The following ADAMTSL1 variants were observed in gnomAD, a reference collection of about 807,000 sequenced individuals.
ADAMTSL1 encodes the protein ADAMTS like 1.
In ADAMTSL1, 126 loss-of-function variants were observed where a neutral mutation model predicts 201.8. The ratio of observed to expected loss-of-function variants is 0.62; its 90% confidence interval spans 0.54 to 0.72. The LOEUF is 0.72. Ranked by LOEUF, ADAMTSL1 falls within the 30% of genes least tolerant of loss-of-function variation. The probability of loss-of-function intolerance (pLI) is 0.00; values close to 1 mark genes in which losing one functional copy is unlikely to be tolerated. For synonymous variants in ADAMTSL1, 1,121 were observed against 903.4 expected, an observed-to-expected ratio of 1.24 and a Z score of -4.32; for missense variants, 2,679 against 2,277.8, an observed-to-expected ratio of 1.18 and a Z score of -3.59.
At chr9:18,441,812 G>A (rs1820005450) in intron 2 of ADAMTSL1, among the ~76,000 whole-genome samples, 1 of 152,188 alleles carries the variant, frequency 6.6e-6, no homozygotes. Context: ...CCAAATGGTT[G>A]AGAGAATACA....
chr9:18,845,128 C>T (rs894408557), intron 23 of ADAMTSL1, among the ~76,000 whole-genome samples: 1 of 152,222 alleles, frequency 6.6e-6, no homozygotes, highest in African/African-American at 2.4e-5. Context: ...CCGTCTTCTG[C>T]ATTGCTCACC....
At chr9:18,012,425 T>C (rs1329258756) in intron 1 of ADAMTSL1, among the ~76,000 whole-genome samples, 1 of 152,068 alleles carries the variant, frequency 6.6e-6, no homozygotes, top group Non-Finnish European at 1.5e-5. Flanking sequence ...AAATCTTTTA[T>C]GAAGCATTAG....
chr9:18,557,776 C>A (rs1261506998), intron 3 of ADAMTSL1, among the ~76,000 whole-genome samples: 1 of 152,018 alleles, frequency 6.6e-6, no homozygotes, highest in Non-Finnish European at 1.5e-5. Context: ...GCATAAGAAC[C>A]ACATGTTCCA....
intron 2 of ADAMTSL1, among the ~76,000 whole-genome samples, chr9:18,508,521 C>A (rs375483096): frequency 4.6e-5 from 7 of 152,272 alleles, no homozygotes; most frequent in African/African-American, 1.7e-4. Flanking sequence ...AGTTGTCAAG[C>A]ACCTAAGAAG....
chr9:18,511,422 A>G (rs1818018042), intron 2 of ADAMTSL1, among the ~76,000 whole-genome samples: 1 of 152,090 alleles, frequency 6.6e-6, no homozygotes, highest in Admixed American at 6.6e-5. Flanking sequence ...AAAAGTTAAT[A>G]AATTTTGAGT....
intron 2 of ADAMTSL1, among the ~76,000 whole-genome samples, chr9:18,460,025 C>G (rs999740264): frequency 2.6e-5 from 4 of 152,066 alleles, no homozygotes. Flanking sequence ...GACATAGTAA[C>G]AGGAAAACCT....
Position 18,753,442 on chromosome 9 carries a change from C to T in ADAMTSL1, c.2151C>T (p.Pro717=). The T allele has an allele frequency of 2.5e-6, 4 of 1,613,568 alleles. No homozygotes were observed. Among genetic ancestry groups the T allele is most frequent in the Non-Finnish European group, 3.4e-6 (4 of 1,179,800 alleles). The change falls in exon 16 of 29, where the codon CCC becomes CCT. Residue 717 remains proline (P), a synonymous_variant. Transcript: ENST00000380548. ...LADELCRQPK[P]STVQACNRFN... is the part of the protein sequence containing the mutation. ...ATGAGCTGTGTCGCCAGCCCAAGCC[C>T]AGCACGGTGCAAGCTTGTAACCGCT...
At chr9:18,588,349 A>C (rs1025416790) in intron 4 of ADAMTSL1, among the ~76,000 whole-genome samples, 1 of 151,976 alleles carries the variant, frequency 6.6e-6, no homozygotes, top group African/African-American at 2.4e-5. Flanking sequence ...AGCTCCTTAT[A>C]TACTCTGGTT....
intron 1 of ADAMTSL1, among the ~76,000 whole-genome samples, chr9:18,065,061 G>T (rs1822634575): frequency 1.4e-5 from 2 of 141,456 alleles, no homozygotes; most frequent in South Asian, 4.5e-4. Flanking sequence ...TATGTTCGAA[G>T]CAATTCAGTA....
At chr9:17,940,732 A>G (rs1299609922) in intron 1 of ADAMTSL1, among the ~76,000 whole-genome samples, 1 of 150,888 alleles carries the variant, frequency 6.6e-6, no homozygotes, top group East Asian at 1.9e-4. Flanking sequence ...AAAAAAGAAA[A>G]AAAAGAAAAA....
chr9:18,135,150 A>G (rs1587130941), intron 1 of ADAMTSL1, among the ~76,000 whole-genome samples: 1 of 152,146 alleles, frequency 6.6e-6, no homozygotes, highest in Non-Finnish European at 1.5e-5. Flanking sequence ...TCTGACTTAG[A>G]ACTGGCCTGC....
intron 2 of ADAMTSL1, among the ~76,000 whole-genome samples, chr9:18,241,603 G>C (rs1321009086): frequency 1.3e-5 from 2 of 151,828 alleles, no homozygotes; most frequent in Non-Finnish European, 2.9e-5. Context: ...GATGTTATAA[G>C]ACATATATAA....
chr9:18,728,319 T>C (rs772607594), intron 15 of ADAMTSL1, among the ~76,000 whole-genome samples: 9 of 152,174 alleles, frequency 5.9e-5, no homozygotes, highest in Non-Finnish European at 1.2e-4. Context: ...TTCTGGTTTC[T>C]TAACATCTAT....
At position 18,474,213 on chromosome 9, in the gene ADAMTSL1, A is replaced by G; in HGVS notation, c.-20A>G. The G allele has an allele frequency of 6.2e-7, 1 of 1,613,898 alleles. No homozygotes were observed. ...GCAGCTTATTCAGTGTCCGATTCTG[A>G]TTCCGGCAAGGATCCAAGCATGGAA... is the stretch of plus-strand genomic sequence containing the variant. On this transcript the variant is annotated 5_prime_UTR_variant, in exon 1 of 29. Transcript: ENST00000380548.
intron 4 of ADAMTSL1, among the ~76,000 whole-genome samples, chr9:18,618,884 AG>A (rs1188492125): frequency 2.0e-5 from 3 of 152,200 alleles, no homozygotes; most frequent in African/African-American, 7.2e-5. Flanking sequence ...ATGCTAACCC[AG>A]ATAAAATTGG....
intron 1 of ADAMTSL1, among the ~76,000 whole-genome samples, chr9:18,015,276 AC>A (rs1253057273): frequency 6.6e-6 from 1 of 152,064 alleles, no homozygotes; most frequent in Admixed American, 6.6e-5. Flanking sequence ...GAGGGATCTA[AC>A]CGAAAGATGG....
intron 3 of ADAMTSL1, among the ~76,000 whole-genome samples, chr9:18,562,294 T>TGGATATGAAATTCTTG (rs1821559552): frequency 6.6e-6 from 1 of 152,220 alleles, no homozygotes; most frequent in Non-Finnish European, 1.5e-5. Flanking sequence ...TTAGTTTGGC[T>TGGATATGAAATTCTTG]GGATATGAAA....
chr9:17,956,550 C>G (rs1827939684), intron 1 of ADAMTSL1, among the ~76,000 whole-genome samples: 1 of 152,134 alleles, frequency 6.6e-6, no homozygotes, highest in South Asian at 2.1e-4. Flanking sequence ...GTGACTGTAA[C>G]TATTTCAGTA....
chr9:18,280,705 A>G (rs1832750887), intron 2 of ADAMTSL1, among the ~76,000 whole-genome samples: 1 of 152,162 alleles, frequency 6.6e-6, no homozygotes, highest in South Asian at 2.1e-4. Context: ...TAAAATTGAT[A>G]TTAGTTACGT....
Sources: gnomAD v4.1 joint callset for allele counts (sites outside exome capture counted in the v4.1 genomes callset) on GRCh38, gnomAD v4.1.1 for gene constraint, MANE v1.5 for transcripts, NCBI Gene and HGNC (gene_info 2026-07-23, HGNC 2026-07-21) for gene names.